NCAM2: variants seen among roughly 807,000 people sequenced by gnomAD.
NCAM2 encodes the protein neural cell adhesion molecule 2.
A neutral mutation model predicts 98.1 loss-of-function variants in NCAM2; 30 were observed. That is an observed-to-expected ratio of 0.31 (90% CI 0.23 to 0.41). The LOEUF is 0.41. Among genes scored for constraint, NCAM2 ranks in the 10% least tolerant of loss-of-function variants. The pLI, the probability that NCAM2 is intolerant of heterozygous loss-of-function variation, is 1.00. For missense variants in NCAM2, 867 were observed against 1,005.8 expected (o/e 0.86, Z 1.87); for synonymous variants, 368 against 342.4 (o/e 1.07, Z -0.83).
At chr21:21,254,800 C>A (rs1209856813) in intron 1 of NCAM2, among the ~76,000 whole-genome samples, 1 of 151,984 alleles carries the variant, frequency 6.6e-6, no homozygotes, top group African/African-American at 2.4e-5. Flanking sequence ...GTTATAGGCC[C>A]TCCATTTGTG....
intron 5 of NCAM2, among the ~76,000 whole-genome samples, chr21:21,321,819 G>A (rs568363296): frequency 1.3e-5 from 2 of 152,214 alleles, no homozygotes; most frequent in South Asian, 2.1e-4. Flanking sequence ...AAAATAACAG[G>A]TGCCGTCAAG....
intron 1 of NCAM2, among the ~76,000 whole-genome samples, chr21:21,124,717 T>A (rs2066750455): frequency 6.6e-6 from 1 of 152,198 alleles, no homozygotes; most frequent in South Asian, 2.1e-4. Context: ...TTCTTTAGTC[T>A]GTGATAGCAC....
chr21:21,176,569 T>C (rs2068296776), intron 1 of NCAM2, among the ~76,000 whole-genome samples: 1 of 152,112 alleles, frequency 6.6e-6, no homozygotes, highest in Non-Finnish European at 1.5e-5. Context: ...TTTATTACAA[T>C]GTAACATAGA....
At chr21:21,097,138 T>C (rs1466908423) in intron 1 of NCAM2, among the ~76,000 whole-genome samples, 1 of 151,724 alleles carries the variant, frequency 6.6e-6, no homozygotes, top group East Asian at 1.9e-4. Context: ...AACAAAGAGG[T>C]AAGGCAACCA....
At chr21:21,171,669 T>C (rs534275705) in intron 1 of NCAM2, among the ~76,000 whole-genome samples, 1 of 152,252 alleles carries the variant, frequency 6.6e-6, no homozygotes, top group Non-Finnish European at 1.5e-5. Context: ...TCGAGGTCAG[T>C]AGGCATCTGA....
chr21:21,023,474 A>G (rs913964352), intron 1 of NCAM2, among the ~76,000 whole-genome samples: 3 of 151,882 alleles, frequency 2.0e-5, no homozygotes, highest in Non-Finnish European at 2.9e-5. Flanking sequence ...CAGTGAGCCA[A>G]CGTTGTGCCA....
At chr21:21,489,817 TA>T (rs1986697871) in intron 15 of NCAM2, among the ~76,000 whole-genome samples, 1 of 151,966 alleles carries the variant, frequency 6.6e-6, no homozygotes, top group Non-Finnish European at 1.5e-5. Flanking sequence ...GGGACTTAAC[TA>T]AAGAAAAAAA....
At chr21:21,185,349 A>G (rs1233422091) in intron 1 of NCAM2, among the ~76,000 whole-genome samples, 1 of 152,132 alleles carries the variant, frequency 6.6e-6, no homozygotes, top group Non-Finnish European at 1.5e-5. Context: ...TTCAAACTTA[A>G]GGCACGTGGT....
At chr21:21,137,048 G>A (rs2067071855) in intron 1 of NCAM2, among the ~76,000 whole-genome samples, 4 of 152,014 alleles carry the variant, frequency 2.6e-5, no homozygotes, top group Admixed American at 2.0e-4. Context: ...GTTTCACCAT[G>A]TTGGCCAGGC....
chr21:21,192,649 G>T (rs2068861523), intron 1 of NCAM2, among the ~76,000 whole-genome samples: 1 of 152,122 alleles, frequency 6.6e-6, no homozygotes, highest in Non-Finnish European at 1.5e-5. Context: ...TTTTGGAAAG[G>T]ACAGCGTAAC....
chr21:21,372,635 G>A (rs1371214695), intron 8 of NCAM2, among the ~76,000 whole-genome samples: 1 of 151,758 alleles, frequency 6.6e-6, no homozygotes, highest in Non-Finnish European at 1.5e-5. Context: ...AAATGACCTT[G>A]GACTTTTAGT....
intron 1 of NCAM2, among the ~76,000 whole-genome samples, chr21:21,032,023 A>G (rs899820873): frequency 6.6e-6 from 1 of 152,174 alleles, no homozygotes; most frequent in African/African-American, 2.4e-5. Flanking sequence ...TTTATCATTG[A>G]TTAGATATAT....
At chr21:21,154,370 A>T (rs1204010742) in intron 1 of NCAM2, among the ~76,000 whole-genome samples, 1 of 151,888 alleles carries the variant, frequency 6.6e-6, no homozygotes, top group African/African-American at 2.4e-5. Flanking sequence ...CATTTAGGGA[A>T]ATGGAATATG....
At chr21:21,327,764 G>A (rs1034931703) in intron 6 of NCAM2, among the ~76,000 whole-genome samples, 9 of 152,082 alleles carry the variant, frequency 5.9e-5, no homozygotes, top group African/African-American at 2.2e-4. Context: ...CAGTCATTCT[G>A]GGGGTTAGGA....
intron 1 of NCAM2, among the ~76,000 whole-genome samples, chr21:21,119,460 A>G (rs1057336044): frequency 6.6e-6 from 1 of 152,158 alleles, no homozygotes; most frequent in African/African-American, 2.4e-5. Context: ...AAAGAATTGT[A>G]GTATTGTTTC....
At chr21:21,156,773 A>G (rs1215257140) in intron 1 of NCAM2, among the ~76,000 whole-genome samples, 1 of 152,116 alleles carries the variant, frequency 6.6e-6, no homozygotes, top group South Asian at 2.1e-4. Context: ...GTACAGAGCT[A>G]TGGATATAAA....
chr21:21,127,073 A>G (rs1417065619), intron 1 of NCAM2, among the ~76,000 whole-genome samples: 2 of 151,734 alleles, frequency 1.3e-5, no homozygotes, highest in Non-Finnish European at 2.9e-5. Context: ...AAAAAGAATA[A>G]GAATCTGTCA....
chr21:21,363,311 G>A (rs2075695815), intron 8 of NCAM2, among the ~76,000 whole-genome samples: 1 of 152,026 alleles, frequency 6.6e-6, no homozygotes, highest in Non-Finnish European at 1.5e-5. Flanking sequence ...TGGAAACATG[G>A]CTAGCTTTGT....
At chr21:21,417,987 T>C (rs1350106417) in intron 10 of NCAM2, among the ~76,000 whole-genome samples, 1 of 152,044 alleles carries the variant, frequency 6.6e-6, no homozygotes, top group East Asian at 1.9e-4. Context: ...TGTTGAACAT[T>C]AAAGCAAACT....
Sources: gnomAD v4.1 joint callset for allele counts (sites outside exome capture counted in the v4.1 genomes callset) on GRCh38, gnomAD v4.1.1 for gene constraint, MANE v1.5 for transcripts, NCBI Gene and HGNC (gene_info 2026-07-23, HGNC 2026-07-21) for gene names.